Variants in UGGT1 observed in about 807,000 individuals in gnomAD.
The protein encoded by UGGT1 is UDP-glucose:glycoprotein glucosyltransferase 1.
Under a neutral mutation model 203.9 loss-of-function variants are expected in UGGT1, and 107 were observed. The ratio of observed to expected loss-of-function variants is 0.52; its 90% CI spans 0.45 to 0.62. UGGT1 has a LOEUF of 0.62. Ranked by LOEUF, UGGT1 falls within the 20% of genes least tolerant of loss-of-function variation. The pLI is 0.00. For synonymous variants in UGGT1, 628 were observed against 653.5 expected (o/e 0.96, Z 0.59); for missense variants, 1,673 against 1,867.2 (o/e 0.90, Z 1.92).
intron 34 of UGGT1, 108 bp from the exon 35 acceptor site, chr2:128,179,678 T>C: frequency 1.1e-6 from 1 of 883,656 alleles, no homozygotes; most frequent in Non-Finnish European, 1.7e-6. Flanking sequence ...GAGCCATTAG[T>C]TAGCTCTGCC....
chr2:128,109,780 C>T, intron 5 of UGGT1, 34 bp downstream of exon 5: 7 of 1,538,118 alleles, frequency 4.6e-6, no homozygotes, highest in Non-Finnish European at 6.3e-6. Context: ...TCATGTCATG[C>T]ATTTCCAGTG....
intron 18 of UGGT1, among the ~76,000 whole-genome samples, chr2:128,151,912 C>T (rs12471108): frequency 0.59 from 89,825 of 152,044 alleles, 26,795 homozygotes; most frequent in East Asian, 0.66. Context: ...TAAAGTATAC[C>T]TGTGTGTTAA....
In UGGT1 at chr2:128,108,067, A is replaced by G. The variant is rs1267167280; in HGVS notation, c.407A>G (p.Gln136Arg). 5.0e-6 allele frequency: 8 copies of G among 1,614,142 alleles called. No individual in the cohort carries two copies. Among genetic ancestry groups the G allele is most frequent in the Non-Finnish European group, 6.8e-6 (8 of 1,179,998 alleles). Residue 136 changes from glutamine to arginine, a missense_variant and splice_region_variant, in exon 4 of 41, where the codon CAG (glutamine) becomes CGG (arginine). Physicochemically the swap from Gln to Arg is conservative, Grantham distance 43. This residue lies in a region of UGGT1 where 1,073 missense variants were observed against 1,078.7 expected (regional missense o/e 0.99). Coordinates refer to ENST00000259253, the MANE Select transcript of UGGT1 (RefSeq NM_020120.4). The stretch of plus-strand genomic sequence containing the variant: ...TCAGCTACAATCCAAGCCTTCCAGC[A>G]GGTGGGTCCAGTGCTCTTAAAGAAC... Reference protein sequence around the residue: ...SYSATIQAFQQIAADEPPPEG... With the variant: ...SYSATIQAFQRIAADEPPPEG...
chr2:128,136,195 A>C (rs1210605900), intron 15 of UGGT1, among the ~76,000 whole-genome samples: 1 of 152,212 alleles, frequency 6.6e-6, no homozygotes, highest in Admixed American at 6.5e-5. Flanking sequence ...GTGGTCCTGC[A>C]TGTTGGCTGC....
intron 18 of UGGT1, among the ~76,000 whole-genome samples, chr2:128,149,370 C>T (rs1429753465): frequency 2.0e-5 from 3 of 149,082 alleles, no homozygotes; most frequent in African/African-American, 7.3e-5. Context: ...ATAGGCCGGG[C>T]GCGATGGCTC....
At chr2:128,101,510 G>A (rs537710468) in intron 2 of UGGT1, among the ~76,000 whole-genome samples, 284 of 152,216 alleles carry the variant, frequency 1.9e-3, no homozygotes, top group Middle Eastern at 0.014. Flanking sequence ...TATTATATAA[G>A]GAGGTATTAT....
At chr2:128,182,878 A>G (rs545654498) in intron 37 of UGGT1, among the ~76,000 whole-genome samples, 16 of 134,878 alleles carry the variant, frequency 1.2e-4, no homozygotes, top group Non-Finnish European at 2.1e-4. Context: ...TACACAAAAT[A>G]TGCTACCTAT....
At chr2:128,171,125 G>A in intron 27 of UGGT1, 80 bp from the exon 28 acceptor site, 2 of 1,284,530 alleles carry the variant, frequency 1.6e-6, no homozygotes, top group Admixed American at 4.5e-5. Flanking sequence ...CTTTTCTTGA[G>A]ATATTAATAG....
chr2:128,140,665 G>C (rs999876061), intron 16 of UGGT1: 1 of 152,250 alleles, frequency 6.6e-6, no homozygotes, highest in African/African-American at 2.4e-5. Flanking sequence ...ACCACCCACT[G>C]TTTATTTTAT....
chr2:128,170,857 AC>A (rs1031577213), intron 27 of UGGT1, among the ~76,000 whole-genome samples: 2 of 152,130 alleles, frequency 1.3e-5, no homozygotes, highest in Non-Finnish European at 2.9e-5. Context: ...TAAATCTCTA[AC>A]CTTTTTTGTG....
In UGGT1 at chr2:128,115,069, A is replaced by G. The variant is rs1688036187; in HGVS notation, c.697-55A>G. ...ACATTAACATGGTCATGCCATGTAC[A>G]CTGTGACATAGAAAGAGCTAGGTGG... On this transcript the variant is annotated intron_variant, in intron 6 of 40. Transcript: ENST00000259253. 3 of 1,511,190 alleles carry G rather than the reference A, an allele frequency of 2.0e-6. 1 individual carries two copies. The highest frequency in any genetic ancestry group is 1.4e-5 in the African/African-American group (1 of 73,064). 93.6% of individuals were successfully genotyped at this position (1,511,190 alleles called of 1,614,324 possible).
In UGGT1 at chr2:128,128,917, C is replaced by T. The variant is rs1688743775; in HGVS notation, c.1227-112C>T. ...GTGTTTATTGCTTTTTTAAATTTCT[C>T]AATTAATTTGATTTGGCATTGAGGT... On this transcript the variant is annotated intron_variant, in intron 12 of 40. Transcript: ENST00000259253. The T allele has an allele frequency of 4.7e-6, 5 of 1,067,674 alleles. No homozygotes were observed. The South Asian group carries it at 7.6e-5, about 16-fold the overall frequency. 66.1% of individuals were successfully genotyped at this position (1,067,674 alleles called of 1,614,324 possible).
At chr2:128,111,208 G>T (rs978650008) in intron 5 of UGGT1, among the ~76,000 whole-genome samples, 1 of 152,092 alleles carries the variant, frequency 6.6e-6, no homozygotes, top group African/African-American at 2.4e-5. Flanking sequence ...GCTGGGTGTG[G>T]TGGCAGTAAC....
intron 3 of UGGT1, among the ~76,000 whole-genome samples, chr2:128,105,614 A>T (rs981670146): frequency 6.6e-6 from 1 of 151,472 alleles, no homozygotes; most frequent in Non-Finnish European, 1.5e-5. Flanking sequence ...ACTTGAGCTC[A>T]AGCTGTTCTC....
At chr2:128,183,985 T>C (rs995848788) in intron 38 of UGGT1, among the ~76,000 whole-genome samples, 196 bp downstream of exon 38, 6 of 151,670 alleles carry the variant, frequency 4.0e-5, no homozygotes, top group African/African-American at 1.2e-4. Context: ...TCAAGACATA[T>C]CAGCGTGAAA....
In UGGT1 at chr2:128,164,736, CG is replaced by C; in HGVS notation, c.2833del (p.Asp945ThrfsTer3). On this transcript the variant is annotated frameshift_variant, in exon 26 of 41. Coordinates refer to ENST00000259253, the MANE Select transcript of UGGT1 (RefSeq NM_020120.4). LOFTEE classifies it high-confidence loss of function. ...CTCTAACCCCTTCTTTCAGGGCAAG[CG>C]ACTTGGTAATGAAGGTGGATGCTCT... ...QLRVEEDVAS[D>X]LVMKVDALLS... 1 of 1,613,760 alleles carries C rather than the reference CG, an allele frequency of 6.2e-7. No homozygotes were observed. Among genetic ancestry groups the C allele is most frequent in the Middle Eastern group, 1.7e-4 (1 of 6,060 alleles).
Position 128,189,940 on chromosome 2 carries a change from G to A in UGGT1, c.*198G>A. 1 of 555,884 alleles carries A rather than the reference G, an allele frequency of 1.8e-6. No homozygotes were observed. The highest frequency in any genetic ancestry group is 3.2e-6 in the Non-Finnish European group (1 of 315,996). 34.4% of individuals were successfully genotyped at this position (555,884 alleles called of 1,614,324 possible). A position where few individuals can be genotyped will look rare whatever the true frequency, so the allele number is the denominator to read the frequency against. On this transcript the variant is annotated 3_prime_UTR_variant, in exon 41 of 41. Coordinates refer to ENST00000259253, the MANE Select transcript of UGGT1 (RefSeq NM_020120.4). Reference sequence around the variant, plus strand: ...TTGGGATTAAAGCTCTGTTGGATTTGTACCTCAGAGGAAGACCAAGTGGCT... The same window carrying A: ...TTGGGATTAAAGCTCTGTTGGATTTATACCTCAGAGGAAGACCAAGTGGCT...
intron 13 of UGGT1, 131 bp from the exon 14 acceptor site, chr2:128,133,010 C>G: frequency 5.0e-6 from 6 of 1,200,070 alleles, no homozygotes; most frequent in Non-Finnish European, 7.0e-6. Context: ...TGCAGCCAAT[C>G]TTTTTATCTT....
intron 19 of UGGT1, among the ~76,000 whole-genome samples, chr2:128,154,442 A>G (rs1420440294): frequency 6.6e-6 from 1 of 152,200 alleles, no homozygotes; most frequent in African/African-American, 2.4e-5. Context: ...GCAGACATCA[A>G]TTAGGAGGCT....
Sources: allele counts gnomAD v4.1 joint callset (sites outside exome capture counted in the v4.1 genomes callset), GRCh38; gene constraint gnomAD v4.1.1; regional missense constraint gnomAD v4.1.1; transcripts MANE v1.5; gene names NCBI Gene and HGNC (gene_info 2026-07-23, HGNC 2026-07-21).